The following CNTLN variants were observed in gnomAD, a reference collection of about 807,000 sequenced individuals.
The protein encoded by CNTLN is centlein, also known as centlein, centrosomal protein.
A neutral mutation model predicts 180.0 loss-of-function variants in CNTLN; 212 were observed. That is an observed-to-expected ratio of 1.18 (90% CI 1.05 to 1.32). The LOEUF (loss-of-function observed/expected upper bound fraction) is 1.32. CNTLN is among the 40% of genes most tolerant of loss of function. The pLI is 0.00. For synonymous variants in CNTLN, 722 were observed against 563.1 expected (o/e 1.28, Z -3.99); for missense variants, 2,095 against 1,610.9 (o/e 1.30, Z -5.14).
chr9:17,292,395 GT>G (rs1829474835), intron 6 of CNTLN, among the ~76,000 whole-genome samples: 1 of 152,156 alleles, frequency 6.6e-6, no homozygotes, highest in African/African-American at 2.4e-5. Context: ...CCTGAGGTAT[GT>G]TTTCCACCTT....
At chr9:17,156,037 C>T (rs540683274) in intron 2 of CNTLN, among the ~76,000 whole-genome samples, 19 of 152,282 alleles carry the variant, frequency 1.2e-4, no homozygotes, top group South Asian at 6.2e-4. Context: ...CACCCTGCTT[C>T]GGCTAGCCCT....
At chr9:17,365,943 C>G (rs1179718579) in intron 12 of CNTLN, among the ~76,000 whole-genome samples, 1 of 152,020 alleles carries the variant, frequency 6.6e-6, no homozygotes, top group Non-Finnish European at 1.5e-5. Context: ...GAGACTTTGT[C>G]TAAAAACAAC....
chr9:17,456,990 A>C (rs116672495), intron 18 of CNTLN, among the ~76,000 whole-genome samples: 2 of 152,138 alleles, frequency 1.3e-5, no homozygotes, highest in African/African-American at 4.8e-5. Context: ...AGTGCATAAA[A>C]CTGAGCGAGT....
intron 25 of CNTLN, among the ~76,000 whole-genome samples, chr9:17,494,629 T>G (rs1381151728): frequency 6.6e-6 from 1 of 152,078 alleles, no homozygotes; most frequent in East Asian, 1.9e-4. Flanking sequence ...CAATATTTGG[T>G]TTTCTGTTCC....
intron 6 of CNTLN, among the ~76,000 whole-genome samples, chr9:17,288,622 A>C (rs1829152566): frequency 7.5e-6 from 1 of 133,282 alleles, no homozygotes; most frequent in African/African-American, 3.2e-5. Flanking sequence ...AAAGTCTCCC[A>C]TTATTAATGT....
At chr9:17,320,742 A>C (rs1199909811) in intron 8 of CNTLN, among the ~76,000 whole-genome samples, 4 of 152,104 alleles carry the variant, frequency 2.6e-5, no homozygotes, top group African/African-American at 9.7e-5. Context: ...ATCTCAGGTG[A>C]TCCACCCACC....
In CNTLN at chr9:17,466,729, A is replaced by T. The variant is rs1319347268; in HGVS notation, c.3693A>T (p.Val1231=). 11 of 1,609,640 alleles carry T rather than the reference A, an allele frequency of 6.8e-6. No homozygotes were observed. The highest frequency in any genetic ancestry group is 9.3e-6 in the Non-Finnish European group (11 of 1,177,348). Residue 1231 remains valine (V), a synonymous_variant, in exon 23 of 26, where the codon GTA becomes GTT. Transcript: ENST00000380647. ...AGGATCTCAAGCTTACTCTCCTAGT[A>T]TCAAGAATAAGTGAGACTGAATCTG... ...EKKDLKLTLL[V]SRISETESAM...
At chr9:17,418,807 A>G (rs376991885) in intron 18 of CNTLN, among the ~76,000 whole-genome samples, 13 of 152,046 alleles carry the variant, frequency 8.6e-5, no homozygotes, top group African/African-American at 2.2e-4. Flanking sequence ...GGCAGCCTCC[A>G]TACTAAAGAT....
chr9:17,250,809 G>A (rs1007479684), intron 5 of CNTLN, among the ~76,000 whole-genome samples: 2 of 151,978 alleles, frequency 1.3e-5, no homozygotes, highest in South Asian at 2.1e-4. Flanking sequence ...AGGTAATACT[G>A]GCTTTTATAT....
At chr9:17,327,693 C>T (rs1820396570) in intron 8 of CNTLN, among the ~76,000 whole-genome samples, 1 of 152,038 alleles carries the variant, frequency 6.6e-6, no homozygotes, top group Non-Finnish European at 1.5e-5. Flanking sequence ...GTGGCTTATG[C>T]CTGTAATCCC....
chr9:17,482,919 A>T (rs1482858042), intron 23 of CNTLN, among the ~76,000 whole-genome samples: 1 of 152,136 alleles, frequency 6.6e-6, no homozygotes, highest in African/African-American at 2.4e-5. Context: ...AAAATAAAAA[A>T]GTAGCAAAAA....
chr9:17,362,110 T>A (rs541855547), intron 12 of CNTLN, among the ~76,000 whole-genome samples: 1 of 152,176 alleles, frequency 6.6e-6, no homozygotes, highest in African/African-American at 2.4e-5. Flanking sequence ...GTGTGTTCTT[T>A]CCAAAAGAAA....
chr9:17,329,291 G>T (rs1820494910), intron 8 of CNTLN, among the ~76,000 whole-genome samples: 1 of 151,912 alleles, frequency 6.6e-6, no homozygotes, highest in South Asian at 2.1e-4. Flanking sequence ...CCAACCAAAG[G>T]AAATATTTCT....
intron 23 of CNTLN, among the ~76,000 whole-genome samples, chr9:17,475,682 C>G (rs1367348945): frequency 6.6e-6 from 1 of 151,966 alleles, no homozygotes; most frequent in Non-Finnish European, 1.5e-5. Flanking sequence ...ACCATCCTGG[C>G]TAACATGGTG....
the CNTLN span, among the ~76,000 whole-genome samples, chr9:17,526,374 CTT>C: frequency 6.6e-6 from 1 of 152,196 alleles, no homozygotes; most frequent in Non-Finnish European, 1.5e-5. Context: ...CTATAAGAGA[CTT>C]TGTCTACCAG....
At chr9:17,387,664 C>G (rs917672474) in intron 13 of CNTLN, among the ~76,000 whole-genome samples, 32 of 152,008 alleles carry the variant, frequency 2.1e-4, no homozygotes, top group African/African-American at 7.5e-4. Context: ...TTTACCTCAC[C>G]CAGTGCATGA....
intron 2 of CNTLN, among the ~76,000 whole-genome samples, chr9:17,153,460 C>A (rs1294530901): frequency 6.6e-6 from 1 of 152,194 alleles, no homozygotes; most frequent in Non-Finnish European, 1.5e-5. Context: ...AAATTGTTTT[C>A]TTTAAGAACA....
At chr9:17,362,833 C>T (rs7026936) in intron 12 of CNTLN, among the ~76,000 whole-genome samples, 2,197 of 152,190 alleles carry the variant, frequency 0.014, 60 homozygotes, top group African/African-American at 0.051. Context: ...TGGTTTGCTG[C>T]ACCCATCAAC....
intron 6 of CNTLN, among the ~76,000 whole-genome samples, chr9:17,289,201 C>G (rs1469500822): frequency 8.7e-6 from 1 of 114,748 alleles, no homozygotes; most frequent in Non-Finnish European, 1.7e-5. Context: ...TAGGGCAGGC[C>G]TAGTGGTGAC....
Sources: gnomAD v4.1 joint callset for allele counts (sites outside exome capture counted in the v4.1 genomes callset) on GRCh38, gnomAD v4.1.1 for gene constraint, MANE v1.5 for transcripts, NCBI Gene and HGNC (gene_info 2026-07-23, HGNC 2026-07-21) for gene names.